XPC: variants seen among roughly 807,000 people sequenced by gnomAD.
The protein encoded by XPC is XPC complex subunit, DNA damage recognition and repair factor.
A neutral mutation model predicts 95.8 loss-of-function variants in XPC; 76 were observed. The observed-to-expected ratio is 0.79, with a 90% confidence interval of 0.66 to 0.96. The LOEUF (loss-of-function observed/expected upper bound fraction) is 0.96. XPC is among the 40% of genes least tolerant of loss of function. XPC has a pLI of 0.00. For missense variants in XPC, 1,146 were observed against 1,179.8 expected (o/e 0.97, Z 0.42); for synonymous variants, 442 against 442.1 (o/e 1.00, Z 0.00).
At chr3:14,161,285 T>G (rs1696156415) in intron 7 of XPC, among the ~76,000 whole-genome samples, 1 of 152,158 alleles carries the variant, frequency 6.6e-6, no homozygotes, top group Non-Finnish European at 1.5e-5. Flanking sequence ...TCAATCTTTC[T>G]CCAACTCTTT....
intron 1 of XPC, among the ~76,000 whole-genome samples, chr3:14,176,885 G>A (rs1365216653): frequency 4.6e-5 from 7 of 152,250 alleles, no homozygotes; most frequent in African/African-American, 1.7e-4. Flanking sequence ...CGGATCACCT[G>A]AGGTCAGGAG....
At chr3:14,147,491 T>C (rs753180020) in intron 14 of XPC, 112 bp from the exon 15 acceptor site, 69 of 1,018,266 alleles carry the variant, frequency 6.8e-5, no homozygotes, top group Non-Finnish European at 8.5e-5. Flanking sequence ...CTTTAGAATA[T>C]AGCCTCTCCT....
intron 7 of XPC, 162 bp downstream of exon 7, chr3:14,164,651 G>A (rs1283935223): frequency 2.3e-5 from 15 of 661,172 alleles, no homozygotes; most frequent in Non-Finnish European, 2.9e-5. Flanking sequence ...AGACCTTAGA[G>A]GCATCATGTA....
chr3:14,171,858 C>T (rs751115899), intron 2 of XPC, among the ~76,000 whole-genome samples: 64 of 151,888 alleles, frequency 4.2e-4, no homozygotes, highest in African/African-American at 1.1e-3. Context: ...CGGGGCGGGA[C>T]GGGAAGGGAA....
intron 7 of XPC, 179 bp from the exon 8 acceptor site, chr3:14,160,009 T>G: frequency 1.8e-6 from 1 of 559,920 alleles, no homozygotes; most frequent in East Asian, 3.1e-5. Context: ...GAAGTTTATC[T>G]TCGTAGAAGA....
chr3:14,167,833 G>A (rs1368694263), intron 4 of XPC, among the ~76,000 whole-genome samples: 5 of 152,170 alleles, frequency 3.3e-5, no homozygotes, highest in African/African-American at 9.7e-5. Context: ...TCCCTACCAC[G>A]GCGGGCACTG....
At chr3:14,160,531 CA>C (rs1696128056) in intron 7 of XPC, among the ~76,000 whole-genome samples, 1 of 152,174 alleles carries the variant, frequency 6.6e-6, no homozygotes, top group Non-Finnish European at 1.5e-5. Context: ...TGTGAGAAGC[CA>C]TTGTTATGGT....
rs1464850195 is a variant in XPC, at chr3:14,170,534, G to C, written c.316C>G (p.Leu106Val). Residue 106 changes from leucine (L) to valine (V), a missense_variant, in exon 3 of 16, where the codon CTC (leucine) becomes GTC (valine). Transcript: ENST00000285021. ...GDDLRDFPSD[L>V]KKAHHLKRGA... ...CTCTTCAGATGGTGTGCCTTCTTGA[G>C]GTCACTTGGAAAGTCCCTGTGTAAA... 2.5e-6 allele frequency: 4 copies of C among 1,612,378 alleles called. No individual in the cohort carries two copies. In the Admixed American group the frequency reaches 6.7e-5, roughly 27 times the overall value.
chr3:14,153,391 T>C (rs1695776755), intron 10 of XPC: 1 of 152,272 alleles, frequency 6.6e-6, no homozygotes, highest in South Asian at 2.1e-4. Flanking sequence ...GTGCCTCAAG[T>C]ACCCATACAA....
At position 14,158,374 on chromosome 3, in the gene XPC, G is replaced by A. The variant is rs760867012; in HGVS notation, c.1509C>T (p.Ser503=). The change falls in exon 9 of 16, where the codon AGC becomes AGT. Residue 503 remains serine, a synonymous_variant. Coordinates refer to ENST00000285021, the MANE Select transcript of XPC (RefSeq NM_004628.5). This position sits in a 1 kb window ranked among gnomAD's most constrained non-coding sequence, Gnocchi z 5.2. Reference sequence around the variant, plus strand: ...TCTTGCCTCTTTTACTGCTTGAAGAGCTTGAGGATGCCGCTGGCAAGCTTG... The same window carrying A: ...TCTTGCCTCTTTTACTGCTTGAAGAACTTGAGGATGCCGCTGGCAAGCTTG... The part of the protein sequence containing the change: ...KDPSLPAASS[S]SSSSKRGKKM... The A allele has an allele frequency of 4.8e-5, 78 of 1,613,740 alleles. No individual in the cohort carries two copies. The highest frequency in any genetic ancestry group is 6.4e-5 in the Non-Finnish European group (75 of 1,179,892).
intron 7 of XPC, among the ~76,000 whole-genome samples, chr3:14,161,999 A>T (rs944427089): frequency 2.0e-5 from 3 of 152,200 alleles, no homozygotes; most frequent in Non-Finnish European, 4.4e-5. Flanking sequence ...GTGTTTCTAT[A>T]CATTTGCAAT....
chr3:14,164,962 C>G, intron 6 of XPC, 29 bp from the exon 7 acceptor site: 1 of 1,599,584 alleles, frequency 6.3e-7, no homozygotes, highest in Non-Finnish European at 8.5e-7. Flanking sequence ...TTCCTTGTGT[C>G]AGAGGTCAGG....
chr3:14,167,995 T>A (rs763055576), intron 4 of XPC, among the ~76,000 whole-genome samples: 5 of 152,170 alleles, frequency 3.3e-5, no homozygotes, highest in Non-Finnish European at 7.3e-5. Flanking sequence ...ACAACACTGT[T>A]CTAAGGATTA....
chr3:14,167,926 C>G (rs1201219788), intron 4 of XPC, among the ~76,000 whole-genome samples: 1 of 152,194 alleles, frequency 6.6e-6, no homozygotes, highest in East Asian at 1.9e-4. Context: ...TCTTCCATTA[C>G]TGGCTGAGTG....
Position 14,147,999 on chromosome 3 carries a change from G to A in XPC, c.2423C>T (p.Thr808Ile). 1 of 1,579,522 alleles carries A rather than the reference G, an allele frequency of 6.3e-7. No individual in the cohort carries two copies. Among genetic ancestry groups the A allele is most frequent in the Non-Finnish European group, 8.6e-7 (1 of 1,160,660 alleles). ...DFHGGYSHPV[T>I]DGYIVCEEFK... Reference sequence around the variant, plus strand: ...TTCCTCGCAGACGATGTATCCATCAGTCCTGTGGGGACACAACGCGATGTC... The same window carrying A: ...TTCCTCGCAGACGATGTATCCATCAATCCTGTGGGGACACAACGCGATGTC... The change falls in exon 14 of 16, where the codon ACT becomes ATT. Residue 808 changes from threonine to isoleucine, a missense_variant and splice_region_variant. Coordinates refer to ENST00000285021, the MANE Select transcript of XPC (RefSeq NM_004628.5).
chr3:14,178,323 G>T, intron 1 of XPC, 143 bp downstream of exon 1: 1 of 959,532 alleles, frequency 1.0e-6, no homozygotes, highest in Non-Finnish European at 1.5e-6. Context: ...AGGGCCGGCC[G>T]CAGCCTGCCG....
At chr3:14,177,396 T>G (rs1283387682) in intron 1 of XPC, among the ~76,000 whole-genome samples, 1 of 152,106 alleles carries the variant, frequency 6.6e-6, no homozygotes, top group Non-Finnish European at 1.5e-5. Context: ...ACCACCTTAG[T>G]TTGCTCAAGG....
Position 14,170,524 on chromosome 3 carries a change from G to A in XPC, c.326C>T (p.Ala109Val). Residue 109 changes from alanine (A) to valine (V), a missense_variant, in exon 3 of 16, where the codon GCA (alanine) becomes GTA (valine). Ala to Val is a moderately conservative substitution (Grantham distance 64, BLOSUM62 0). Transcript: ENST00000285021. ...LRDFPSDLKKAHHLKRGATMN... is the reference protein window; with the variant it reads ...LRDFPSDLKKVHHLKRGATMN... ...GGTAGCCCCTCTCTTCAGATGGTGT[G>A]CCTTCTTGAGGTCACTTGGAAAGTC... The A allele has an allele frequency of 6.2e-7, 1 of 1,613,192 alleles. No individual in the cohort carries two copies.
At chr3:14,148,296 G>A in intron 13 of XPC, 1 of 593,464 alleles carries the variant, frequency 1.7e-6, no homozygotes, top group Non-Finnish European at 2.9e-6. Flanking sequence ...GATGCTGACT[G>A]TTTTTTGCTC....
Sources: allele counts gnomAD v4.1 joint callset (sites outside exome capture counted in the v4.1 genomes callset), GRCh38; gene constraint gnomAD v4.1.1; non-coding constraint Gnocchi (gnomAD v3.1); transcripts MANE v1.5; gene names NCBI Gene and HGNC (gene_info 2026-07-23, HGNC 2026-07-21).